The following DNAH6 variants were observed in gnomAD, a reference collection of about 807,000 sequenced individuals.
DNAH6 encodes the protein axonemal beta dynein heavy chain 6.
Under a neutral mutation model 491.4 loss-of-function variants are expected in DNAH6, and 340 were observed. That is an observed-to-expected ratio of 0.69 (90% CI 0.63 to 0.76). DNAH6 has a LOEUF of 0.76. Ranked by LOEUF, DNAH6 falls within the 30% of genes least tolerant of loss-of-function variation. The pLI, the probability that DNAH6 is intolerant of heterozygous loss-of-function variation, is 0.00. For missense variants in DNAH6, 4,443 were observed against 4,972.2 expected, an observed-to-expected ratio of 0.89 and a Z score of 3.20; for synonymous variants, 1,603 against 1,686.1, an observed-to-expected ratio of 0.95 and a Z score of 1.21.
intron 56 of DNAH6, among the ~76,000 whole-genome samples, chr2:84,712,345 A>G (rs990467857): frequency 2.6e-5 from 4 of 152,228 alleles, no homozygotes; most frequent in Non-Finnish European, 5.9e-5. Context: ...AATGGATGAC[A>G]GTCAAATTTT....
At position 84,653,496 on chromosome 2, in the gene DNAH6, C is replaced by T. The variant is rs753675492; in HGVS notation, c.5256C>T (p.Val1752=). Residue 1752 remains valine (V), a synonymous_variant, in exon 34 of 77, where the codon GTC becomes GTT. Coordinates refer to ENST00000389394, the MANE Select transcript of DNAH6 (RefSeq NM_001370.2). The part of the protein sequence containing the change: ...TMLVRHGVML[V]GPTGGGKTTV... ...TAGTAAGGCATGGTGTTATGTTAGT[C>T]GGGCCAACAGGAGGCGGCAAGACCA... is the stretch of plus-strand genomic sequence containing the variant. 4.9e-5 allele frequency: 76 copies of T among 1,551,052 alleles called. 4 individuals are homozygous for T. The South Asian group carries it at 8.7e-4, about 18-fold the overall frequency.
chr2:84,522,510 G>A (rs1676247408), intron 2 of DNAH6, among the ~76,000 whole-genome samples: 1 of 152,116 alleles, frequency 6.6e-6, no homozygotes, highest in Non-Finnish European at 1.5e-5. Flanking sequence ...CCAATACTAT[G>A]TAGAATAGGA....
intron 19 of DNAH6, among the ~76,000 whole-genome samples, 179 bp downstream of exon 19, chr2:84,604,730 C>T (rs1685586864): frequency 6.6e-6 from 1 of 152,034 alleles, no homozygotes; most frequent in African/African-American, 2.4e-5. Flanking sequence ...AAAATCTCCT[C>T]CTTCTGCTTA....
chr2:84,804,162 C>T (rs190596279), intron 70 of DNAH6, among the ~76,000 whole-genome samples: 5 of 140,982 alleles, frequency 3.5e-5, no homozygotes, highest in East Asian at 2.1e-4. Context: ...GTCAAGATCA[C>T]GCCACTGCAC....
At chr2:84,818,505 AAAAAAAAAG>A (rs1680716554) in intron 76 of DNAH6, among the ~76,000 whole-genome samples, 1 of 148,242 alleles carries the variant, frequency 6.7e-6, no homozygotes, top group Non-Finnish European at 1.5e-5. Context: ...AAAAAAAAAA[AAAAAAAAAG>A]GGAAAAAAAA....
intron 63 of DNAH6, among the ~76,000 whole-genome samples, chr2:84,752,480 T>C (rs1271075155): frequency 6.6e-6 from 1 of 152,056 alleles, no homozygotes; most frequent in Non-Finnish European, 1.5e-5. Context: ...ATAATTTACT[T>C]ATTATACAAT....
At chr2:84,552,761 T>C (rs1178892651) in intron 9 of DNAH6, among the ~76,000 whole-genome samples, 157 bp from the exon 10 acceptor site, 1 of 152,244 alleles carries the variant, frequency 6.6e-6, no homozygotes, top group Non-Finnish European at 1.5e-5. Flanking sequence ...CCTTTTTTTC[T>C]TTCTGTTCTT....
intron 30 of DNAH6, among the ~76,000 whole-genome samples, chr2:84,636,307 C>T (rs1688873140): frequency 6.6e-6 from 1 of 152,200 alleles, no homozygotes; most frequent in East Asian, 1.9e-4. Flanking sequence ...AGTGTTGTTT[C>T]TTGCTCCTGC....
intron 5 of DNAH6, among the ~76,000 whole-genome samples, chr2:84,545,206 G>GT (rs1678657525): frequency 1.3e-5 from 2 of 152,040 alleles, no homozygotes; most frequent in South Asian, 4.2e-4. Context: ...CTTTGCATAT[G>GT]ATAATATGAA....
At chr2:84,495,694 T>C in the DNAH6 span, among the ~76,000 whole-genome samples, 1 of 152,182 alleles carries the variant, frequency 6.6e-6, no homozygotes, top group Non-Finnish European at 1.5e-5. Context: ...ACCATTGCCC[T>C]GATACAAAAT....
At chr2:84,697,039 G>A (rs1444385526) in intron 46 of DNAH6, among the ~76,000 whole-genome samples, 1 of 152,144 alleles carries the variant, frequency 6.6e-6, no homozygotes, top group Non-Finnish European at 1.5e-5. Flanking sequence ...CACTTGAATT[G>A]AATGAGAAAT....
intron 28 of DNAH6, 36 bp downstream of exon 28, chr2:84,624,656 A>G (rs780730811): frequency 1.3e-6 from 2 of 1,533,848 alleles, no homozygotes; most frequent in Middle Eastern, 3.4e-4. Flanking sequence ...TATTGACACA[A>G]GAGTGCTTTT....
At chr2:84,616,695 T>C (rs924863755) in intron 22 of DNAH6, among the ~76,000 whole-genome samples, 191 bp from the exon 23 acceptor site, 21 of 152,278 alleles carry the variant, frequency 1.4e-4, no homozygotes, top group Admixed American at 9.2e-4. Context: ...ATTTTTCTAT[T>C]GCCATTACAA....
At chr2:84,624,729 A>G in intron 28 of DNAH6, 109 bp downstream of exon 28, 3 of 1,319,450 alleles carry the variant, frequency 2.3e-6, no homozygotes, top group Middle Eastern at 2.0e-4. Context: ...TTATGAATAC[A>G]TCTTTGTAAA....
chr2:84,597,835 G>C (rs1161977169), intron 18 of DNAH6, among the ~76,000 whole-genome samples: 1 of 152,192 alleles, frequency 6.6e-6, no homozygotes, highest in African/African-American at 2.4e-5. Flanking sequence ...AAAACATGAT[G>C]CTGGACTAGG....
intron 3 of DNAH6, among the ~76,000 whole-genome samples, chr2:84,527,283 A>G (rs1676692417): frequency 1.3e-5 from 2 of 151,988 alleles, no homozygotes; most frequent in Non-Finnish European, 2.9e-5. Flanking sequence ...TGCTTTCTTT[A>G]TTTCCCACCC....
intron 60 of DNAH6, among the ~76,000 whole-genome samples, chr2:84,724,065 G>A (rs1421221385): frequency 6.6e-6 from 1 of 152,102 alleles, no homozygotes; most frequent in African/African-American, 2.4e-5. Context: ...CCTACTTCCT[G>A]TTGGCAGTGC....
At chr2:84,507,458 G>T in the DNAH6 span, among the ~76,000 whole-genome samples, 1 of 152,218 alleles carries the variant, frequency 6.6e-6, no homozygotes, top group Non-Finnish European at 1.5e-5. Flanking sequence ...AGCTTAAGGA[G>T]ATTTTGGGCT....
intron 4 of DNAH6, among the ~76,000 whole-genome samples, chr2:84,531,213 A>G (rs75605449): frequency 0.024 from 3,588 of 152,224 alleles, 55 homozygotes; most frequent in Middle Eastern, 0.092. Context: ...CATTTATCCC[A>G]GTGAGCACAG....
Sources: gnomAD v4.1 joint callset for allele counts (sites outside exome capture counted in the v4.1 genomes callset) on GRCh38, gnomAD v4.1.1 for gene constraint, MANE v1.5 for transcripts, NCBI Gene and HGNC (gene_info 2026-07-23, HGNC 2026-07-21) for gene names.